The following PIK3CG variants were observed in gnomAD, a reference collection of about 807,000 sequenced individuals.
The protein encoded by PIK3CG is phosphatidylinositol-4,5-bisphosphate 3-kinase catalytic subunit gamma, also known as phosphatidylinositol 4,5-bisphosphate 3-kinase catalytic subunit gamma isoform.
PIK3CG carries 55 observed loss-of-function variants against 102.3 expected under a neutral mutation model. The ratio of observed to expected loss-of-function variants is 0.54; its 90% CI spans 0.43 to 0.67. The LOEUF (loss-of-function observed/expected upper bound fraction) is 0.67. PIK3CG is among the 30% of genes least tolerant of loss of function. The pLI is 0.00. For synonymous variants in PIK3CG, 552 were observed against 540.0 expected, an observed-to-expected ratio of 1.02 and a Z score of -0.31; for missense variants, 1,258 against 1,391.8, an observed-to-expected ratio of 0.90 and a Z score of 1.53.
At chr7:106,900,942 G>C (rs796774921) in intron 10 of PIK3CG, among the ~76,000 whole-genome samples, 34 of 152,200 alleles carry the variant, frequency 2.2e-4, no homozygotes, top group African/African-American at 7.5e-4. Context: ...AGCCTGATGG[G>C]GTTCCCTTGT....
rs933549322 is a variant in PIK3CG at position 106,874,772 on chromosome 7, A to G, written c.2360A>G (p.Tyr787Cys). 2 of 1,613,806 alleles carry G rather than the reference A, an allele frequency of 1.2e-6. No homozygotes were observed. The highest frequency in any genetic ancestry group is 1.7e-6 in the Non-Finnish European group (2 of 1,179,704). Residue 787 changes from tyrosine (Y) to cysteine (C), a missense_variant, in exon 5 of 11, where the codon TAT (tyrosine) becomes TGT (cysteine). This residue lies in a region of PIK3CG where 426 missense variants were observed against 604.2 expected (regional missense o/e 0.71). Coordinates refer to ENST00000496166, the MANE Select transcript of PIK3CG (RefSeq NM_001282426.2). This position sits in a 1 kb window ranked among gnomAD's most constrained non-coding sequence, Gnocchi z 4.3. The stretch of plus-strand genomic sequence containing the variant: ...CTCCCCGAAAGCTTTAGAGTTCCAT[A>G]TGATCCTGGACTGAAAGCAGGAGCG... Reference protein sequence around the residue: ...SQLPESFRVPYDPGLKAGALA... With the variant: ...SQLPESFRVPCDPGLKAGALA...
At position 106,908,683 on chromosome 7, in the gene PIK3CG, AG is replaced by A. The variant is rs1791751986; in HGVS notation, c.*3298del. On this transcript the variant is annotated 3_prime_UTR_variant, in exon 11 of 11. Transcript: ENST00000496166. This position sits in a 1 kb window ranked among gnomAD's most constrained non-coding sequence, Gnocchi z 4.1. ...AGGTGATGAATTATTTTTTTAAAAA[AG>A]GTTACATATAGGAATTCTGCAGTAT... Among the ~76,000 whole-genome samples the A allele has an allele frequency of 6.6e-6, 1 of 152,200 alleles. No homozygotes were observed.
intron 9 of PIK3CG, among the ~76,000 whole-genome samples, chr7:106,885,394 G>T (rs1026406534): frequency 6.6e-6 from 1 of 152,106 alleles, no homozygotes; most frequent in African/African-American, 2.4e-5. Flanking sequence ...CACTTTAGTG[G>T]TTCACTGTCC....
intron 4 of PIK3CG, 101 bp downstream of exon 4, chr7:106,873,039 CT>C: frequency 1.2e-6 from 1 of 818,420 alleles, no homozygotes; most frequent in Non-Finnish European, 2.0e-6. Context: ...AAGTTGCATC[CT>C]CCTGAAGGCA....
rs955648527 is a variant in PIK3CG at position 106,906,835 on chromosome 7, T to C, written c.*1448T>C. ...TTGAGGTAGTCCAGACCTTTTCTTTTTTTTTTTTTTTTTAATGTGTGCAAA... is the reference window on the plus strand; with the variant it reads ...TTGAGGTAGTCCAGACCTTTTCTTTCTTTTTTTTTTTTTAATGTGTGCAAA... On this transcript the variant is annotated 3_prime_UTR_variant, in exon 11 of 11. Coordinates refer to ENST00000496166, the MANE Select transcript of PIK3CG (RefSeq NM_001282426.2). 14 of 221,630 alleles carry C rather than the reference T, an allele frequency of 6.3e-5. No individual in the cohort carries two copies. The highest frequency in any genetic ancestry group is 2.9e-4 in the African/African-American group (13 of 44,480). The allele number at this position is 221,630 out of a possible 1,614,324, so 13.7% of individuals were successfully genotyped here.
In PIK3CG at chr7:106,869,060, A is replaced by G. The variant is rs2116456739; in HGVS notation, c.1499A>G (p.Asp500Gly). ...KGEDQGSFNA[D>G]KLTSATNPDK... ...GAAGACCAAGGAAGCTTCAATGCTGACAAACTCACGTCTGCAACTAACCCA... is the reference window on the plus strand; with the variant it reads ...GAAGACCAAGGAAGCTTCAATGCTGGCAAACTCACGTCTGCAACTAACCCA... The change falls in exon 2 of 11, where the codon GAC (aspartate) becomes GGC (glycine). Residue 500 changes from aspartate to glycine, a missense_variant. Asp to Gly is a moderately conservative substitution (Grantham distance 94). Around this residue, in one of 2 missense-constraint regions of PIK3CG, gnomAD observed 832 missense variants for 787.5 expected, o/e 1.06. Coordinates refer to ENST00000496166, the MANE Select transcript of PIK3CG (RefSeq NM_001282426.2). This position sits in a 1 kb window ranked among gnomAD's most constrained non-coding sequence, Gnocchi z 5.3. 6.2e-7 allele frequency: 1 copy of G among 1,614,222 alleles called. No homozygotes were observed. Among genetic ancestry groups the G allele is most frequent in the Non-Finnish European group, 8.5e-7 (1 of 1,180,036 alleles).
Position 106,890,121 on chromosome 7 carries a change from T to C in PIK3CG, c.3030+3829T>C, listed in dbSNP as rs1035199856. On this transcript the variant is annotated intron_variant, in intron 10 of 10. Transcript: ENST00000496166. This position sits in a 1 kb window ranked among gnomAD's most constrained non-coding sequence, Gnocchi z 4.2. ...ATAATAAACAAATGTATTTATATCA[T>C]TGGCAAATGAAATTTGGCTTCTAAG... Among the ~76,000 whole-genome samples, 3 of 152,254 alleles carry C rather than the reference T, an allele frequency of 2.0e-5. No homozygotes were observed. Among genetic ancestry groups the C allele is most frequent in the African/African-American group, 7.2e-5 (3 of 41,472 alleles).
chr7:106,871,743 C>T (rs1412042465), intron 2 of PIK3CG, among the ~76,000 whole-genome samples: 1 of 152,184 alleles, frequency 6.6e-6, no homozygotes, highest in Non-Finnish European at 1.5e-5. Context: ...AATGAAACAC[C>T]TATGCACTCA....
intron 1 of PIK3CG, among the ~76,000 whole-genome samples, chr7:106,866,573 C>T (rs1329698577): frequency 6.6e-6 from 1 of 152,174 alleles, no homozygotes; most frequent in Non-Finnish European, 1.5e-5. Flanking sequence ...TCCTGCCTTC[C>T]ATCCTGTAGC....
chr7:106,868,562 G>T lies in PIK3CG; in HGVS notation c.1001G>T (p.Gly334Val), dbSNP rs745628023. Residue 334 changes from glycine to valine, a missense_variant, in exon 2 of 11, where the codon GGC becomes GTC. Gly to Val is a moderately radical substitution (Grantham distance 109). Around this residue, in one of 2 missense-constraint regions of PIK3CG, gnomAD observed 832 missense variants for 787.5 expected, o/e 1.06. Transcript: ENST00000496166. This position sits in a 1 kb window ranked among gnomAD's most constrained non-coding sequence, Gnocchi z 6.2. ...GTGGATGACTGCACGGGAGTCACCG[G>T]CTACCATGAGCAGCTTACCATCCAC... is the stretch of plus-strand genomic sequence containing the variant. ...PLVDDCTGVT[G>V]YHEQLTIHGK... 1.2e-6 allele frequency: 2 copies of T among 1,613,996 alleles called. No individual in the cohort carries two copies. The highest frequency in any genetic ancestry group is 2.7e-5 in the African/African-American group (2 of 74,932).
rs963276041 is a variant in PIK3CG at position 106,899,435 on chromosome 7, T to C, written c.3031-5674T>C. On this transcript the variant is annotated intron_variant, in intron 10 of 10. Transcript: ENST00000496166. This position sits in a 1 kb window ranked among gnomAD's most constrained non-coding sequence, Gnocchi z 4.6. The stretch of plus-strand genomic sequence containing the variant: ...GTGGTGAGAGAGGGGTTCCTTGTCT[T>C]GTGCCAGTTTTCAAGGGGAATGCTT... Among the ~76,000 whole-genome samples, 7 of 152,214 alleles carry C rather than the reference T, an allele frequency of 4.6e-5. No individual in the cohort carries two copies. Among genetic ancestry groups the C allele is most frequent in the African/African-American group, 1.7e-4 (7 of 41,454 alleles).
rs1791375797 is a variant in PIK3CG at position 106,895,216 on chromosome 7, C to G, written c.3030+8924C>G. Among the ~76,000 whole-genome samples, 1 of 152,186 alleles carries G rather than the reference C, an allele frequency of 6.6e-6. No homozygotes were observed. Among genetic ancestry groups the G allele is most frequent in the Non-Finnish European group, 1.5e-5 (1 of 68,046 alleles). The stretch of plus-strand genomic sequence containing the variant: ...TCTTCTCTCAATAATACAAATCCTT[C>G]AACAGTCAGTTGAGAAGGAGAGAAT... On this transcript the variant is annotated intron_variant, in intron 10 of 10. Transcript: ENST00000496166. This position sits in a 1 kb window ranked among gnomAD's most constrained non-coding sequence, Gnocchi z 5.4.
rs1181925371 is a variant in PIK3CG at position 106,902,623 on chromosome 7, AT to A, written c.3031-2478del. ...CTTTTTTTAATATTAATGAAGTTGCATTTTTTTTGTAGGTTTATCTGTTTTT... is the reference window on the plus strand; with the variant it reads ...CTTTTTTTAATATTAATGAAGTTGCATTTTTTTGTAGGTTTATCTGTTTTT... On this transcript the variant is annotated intron_variant, in intron 10 of 10. Transcript: ENST00000496166. The surrounding 1 kb of genome is among the most constrained non-coding windows in gnomAD (Gnocchi z 4.3). 8.1e-5 allele frequency among the ~76,000 whole-genome samples: 12 copies of A among 148,724 alleles called. No homozygotes were observed. Among genetic ancestry groups the A allele is most frequent in the Admixed American group, 2.7e-4 (4 of 14,932 alleles).
In PIK3CG at chr7:106,877,617, T is replaced by C. The variant is rs1790794912; in HGVS notation, c.2392-1902T>C. On this transcript the variant is annotated intron_variant, in intron 5 of 10. Coordinates refer to ENST00000496166, the MANE Select transcript of PIK3CG (RefSeq NM_001282426.2). This position sits in a 1 kb window ranked among gnomAD's most constrained non-coding sequence, Gnocchi z 4.5. ...AGCACCATGTGTTGAAAAGACTGTTTTGTTTTGTTTTGTTTTGTTTTGTTT... is the reference window on the plus strand; with the variant it reads ...AGCACCATGTGTTGAAAAGACTGTTCTGTTTTGTTTTGTTTTGTTTTGTTT... Among the ~76,000 whole-genome samples, 1 of 151,746 alleles carries C rather than the reference T, an allele frequency of 6.6e-6. No homozygotes were observed. Among genetic ancestry groups the C allele is most frequent in the Non-Finnish European group, 1.5e-5 (1 of 67,900 alleles).
At chr7:106,873,617 C>A (rs190600767) in intron 4 of PIK3CG, among the ~76,000 whole-genome samples, 15 of 152,232 alleles carry the variant, frequency 9.9e-5, no homozygotes, top group Non-Finnish European at 2.1e-4. Flanking sequence ...TATGCAAATA[C>A]TATACCATTT....
At position 106,877,756 on chromosome 7, in the gene PIK3CG, A is replaced by G. The variant is rs1016512738; in HGVS notation, c.2392-1763A>G. Reference sequence around the variant, plus strand: ...TGATCTAAATGTCTGTCCTTACATCAATACCACACATTCTTGATTATGTTT... The same window carrying G: ...TGATCTAAATGTCTGTCCTTACATCGATACCACACATTCTTGATTATGTTT... On this transcript the variant is annotated intron_variant, in intron 5 of 10. Coordinates refer to ENST00000496166, the MANE Select transcript of PIK3CG (RefSeq NM_001282426.2). The surrounding 1 kb of genome is among the most constrained non-coding windows in gnomAD (Gnocchi z 4.5). Among the ~76,000 whole-genome samples, 2 of 152,228 alleles carry G rather than the reference A, an allele frequency of 1.3e-5. No homozygotes were observed. Among genetic ancestry groups the G allele is most frequent in the African/African-American group, 4.8e-5 (2 of 41,454 alleles).
rs1791709361 is a variant in PIK3CG at position 106,907,286 on chromosome 7, G to C, written c.*1899G>C. 1 of 155,158 alleles carries C rather than the reference G, an allele frequency of 6.4e-6. No individual in the cohort carries two copies. 9.6% of individuals were successfully genotyped at this position (155,158 alleles called of 1,614,324 possible). Reference sequence around the variant, plus strand: ...GCCCTGCGTGGCCTTTGAAGGTCTAGATGATTCTTCTTCCTTGCCCTTTGA... The same window carrying C: ...GCCCTGCGTGGCCTTTGAAGGTCTACATGATTCTTCTTCCTTGCCCTTTGA... On this transcript the variant is annotated 3_prime_UTR_variant, in exon 11 of 11. Coordinates refer to ENST00000496166, the MANE Select transcript of PIK3CG (RefSeq NM_001282426.2).
rs1172664159 is a variant in PIK3CG, at chr7:106,907,621, A to G, written c.*2234A>G. On this transcript the variant is annotated 3_prime_UTR_variant, in exon 11 of 11. Coordinates refer to ENST00000496166, the MANE Select transcript of PIK3CG (RefSeq NM_001282426.2). ...TTTGAATTGCTGAAATAATTTATTG[A>G]TGATGAAAAAAAGATTAGAGAGGAA... is the stretch of plus-strand genomic sequence containing the variant. Among the ~76,000 whole-genome samples the G allele has an allele frequency of 6.6e-6, 1 of 151,802 alleles. No homozygotes were observed. The highest frequency in any genetic ancestry group is 1.5e-5 in the Non-Finnish European group (1 of 67,950).
chr7:106,889,592 T>C (rs1304526592), intron 10 of PIK3CG, among the ~76,000 whole-genome samples: 1 of 152,224 alleles, frequency 6.6e-6, no homozygotes, highest in Non-Finnish European at 1.5e-5. Flanking sequence ...TTTGAATTGA[T>C]AAGGTTAACT....
Sources: gnomAD v4.1 joint callset for allele counts (sites outside exome capture counted in the v4.1 genomes callset) on GRCh38, gnomAD v4.1.1 for gene constraint, gnomAD v4.1.1 regional missense constraint, Gnocchi (gnomAD v3.1) non-coding constraint, MANE v1.5 for transcripts, NCBI Gene and HGNC (gene_info 2026-07-23, HGNC 2026-07-21) for gene names.